Variants in ATP5PF observed in about 807,000 individuals in gnomAD.
ATP5PF encodes ATP synthase peripheral stalk subunit F6, mitochondrial.
A neutral mutation model predicts 12.0 loss-of-function variants in ATP5PF; 7 were observed. The observed-to-expected ratio is 0.58, with a 90% confidence interval of 0.33 to 1.10. The LOEUF is 1.10. Among genes scored for constraint, ATP5PF ranks in the 50% least tolerant of loss-of-function variants. The probability of loss-of-function intolerance (pLI) is 0.03; values close to 1 mark genes in which losing one functional copy is unlikely to be tolerated. For synonymous variants in ATP5PF, 41 were observed against 45.4 expected (o/e 0.90, Z 0.39); for missense variants, 120 against 127.7 (o/e 0.94, Z 0.29).
chr21:25,725,453 T>C, intron 2 of ATP5PF, 103 bp from the exon 3 acceptor site: 2 of 1,291,952 alleles, frequency 1.5e-6, no homozygotes, highest in Non-Finnish European at 2.0e-6. Context: ...TTTTTTTTTC[T>C]TTTTTGAGAC....
At chr21:25,735,096 C>T, upstream of ATP5PF, 1 of 807,370 alleles carries the variant, frequency 1.2e-6, no homozygotes, top group Non-Finnish European at 2.1e-6. Flanking sequence ...TCCCCTGGCA[C>T]AGCCTCCGCC....
chr21:25,731,152 GA>G (rs1384740243), intron 1 of ATP5PF, among the ~76,000 whole-genome samples: 6 of 152,132 alleles, frequency 3.9e-5, no homozygotes, highest in Admixed American at 2.0e-4. Flanking sequence ...TGAGGCAGGA[GA>G]ATCACTTGAA....
At chr21:25,725,590 C>T (rs1439563994) in intron 2 of ATP5PF, among the ~76,000 whole-genome samples, 2 of 152,158 alleles carry the variant, frequency 1.3e-5, no homozygotes, top group African/African-American at 2.4e-5. Context: ...CAGGCACACG[C>T]CACCATGCCC....
In ATP5PF at chr21:25,734,838, T is replaced by C. The variant is rs1398386334; in HGVS notation, c.-8+15A>G. ...TCCCAAAAGGCCACGCTGATCTAGC[T>C]ACCCTCCCAGTCACCTTGCACTCAG... is the stretch of plus-strand genomic sequence containing the variant. On this transcript the variant is annotated intron_variant, in intron 1 of 3. Transcript: ENST00000284971. The C allele has an allele frequency of 2.6e-6, 4 of 1,534,300 alleles. No homozygotes were observed. In the African/African-American group the frequency reaches 4.1e-5, roughly 16 times the overall value.
intron 1 of ATP5PF, among the ~76,000 whole-genome samples, chr21:25,730,772 A>AAAAAAAAAAAAAAAAAAAAC: frequency 7.3e-6 from 1 of 137,766 alleles, no homozygotes; most frequent in Non-Finnish European, 1.5e-5. Flanking sequence ...AAAAAAAAAA[A>AAAAAAAAAAAAAAAAAAAAC]AAAGACTTAA....
rs377177728 is a variant in ATP5PF, at chr21:25,724,658, G to A, written c.309C>T (p.Ile103=). 36 of 1,594,578 alleles carry A rather than the reference G, an allele frequency of 2.3e-5. No homozygotes were observed. Among genetic ancestry groups the A allele is most frequent in the African/African-American group, 4.1e-5 (3 of 73,264 alleles). The change falls in exon 4 of 4, where the codon ATC becomes ATT. Residue 103 remains isoleucine (I), a synonymous_variant. Coordinates refer to ENST00000284971, the MANE Select transcript of ATP5PF (RefSeq NM_001003703.2). ...FKFEDPKFEV[I]EKPQA The stretch of plus-strand genomic sequence containing the variant: ...TATTTCTTCAGGCCTGGGGTTTTTC[G>A]ATGACTTCAAATTTGGGATCTAAGA...
intron 2 of ATP5PF, among the ~76,000 whole-genome samples, chr21:25,725,578 T>C (rs2034597531): frequency 6.6e-6 from 1 of 152,132 alleles, no homozygotes; most frequent in African/African-American, 2.4e-5. Flanking sequence ...TAACTGGGAT[T>C]ACAGGCACAC....
chr21:25,725,202 G>A, intron 3 of ATP5PF, 24 bp downstream of exon 3: 1 of 1,591,954 alleles, frequency 6.3e-7, no homozygotes, highest in Non-Finnish European at 8.5e-7. Flanking sequence ...CCACAAGAAT[G>A]AATCTGTGAT....
At chr21:25,729,574 T>G in intron 2 of ATP5PF, 57 bp downstream of exon 2, 1 of 1,456,460 alleles carries the variant, frequency 6.9e-7, no homozygotes, top group South Asian at 1.4e-5. Context: ...TATTACCACC[T>G]TGAAACTTAC....
At chr21:25,729,832 A>G in intron 1 of ATP5PF, 31 bp from the exon 2 acceptor site, 1 of 1,599,194 alleles carries the variant, frequency 6.3e-7, no homozygotes, top group Non-Finnish European at 8.5e-7. Context: ...CAGAAACGTT[A>G]ATATACTTAT....
At chr21:25,729,866 A>G in intron 1 of ATP5PF, 65 bp from the exon 2 acceptor site, 1 of 1,497,782 alleles carries the variant, frequency 6.7e-7, no homozygotes, top group African/African-American at 1.4e-5. Flanking sequence ...TAAATATATC[A>G]TGAGAATCAA....
chr21:25,735,220 C>T (rs2034992774), upstream of ATP5PF: 3 of 586,052 alleles, frequency 5.1e-6, no homozygotes, highest in East Asian at 8.5e-5. Flanking sequence ...TCCGAGTCAG[C>T]GTCCTGTTCG....
intron 1 of ATP5PF, among the ~76,000 whole-genome samples, chr21:25,732,880 G>A (rs535315200): frequency 6.6e-6 from 1 of 150,868 alleles, no homozygotes; most frequent in Admixed American, 6.6e-5. Context: ...CTACTCAGGA[G>A]GCTGAGGCAG....
rs2034955529 is a variant in ATP5PF, at chr21:25,734,793, G to GA, written c.-8+59dup. On this transcript the variant is annotated intron_variant, in intron 1 of 3. Transcript: ENST00000284971. ...AGGTGAGAGGCAGCCCAGGCCTCGTGAAAAAACCCAGAACTGGAGTCCCAA... is the reference window on the plus strand; with the variant it reads ...AGGTGAGAGGCAGCCCAGGCCTCGTGAAAAAAACCCAGAACTGGAGTCCCAA... 5 of 1,488,754 alleles carry GA rather than the reference G, an allele frequency of 3.4e-6. No homozygotes were observed. In the South Asian group the frequency reaches 3.8e-5, roughly 11 times the overall value. 92.2% of individuals were successfully genotyped at this position (1,488,754 alleles called of 1,614,324 possible).
Position 25,729,768 on chromosome 21 carries a change from G to T in ATP5PF, c.27C>A (p.Phe9Leu), listed in dbSNP as rs760716483. The T allele has an allele frequency of 1.2e-6, 2 of 1,613,922 alleles. No homozygotes were observed. Among genetic ancestry groups the T allele is most frequent in the Non-Finnish European group, 8.5e-7 (1 of 1,179,996 alleles). The change falls in exon 2 of 4, where the codon TTC becomes TTA. Residue 9 changes from phenylalanine (F) to leucine (L), a missense_variant. Phe to Leu is a conservative substitution (Grantham distance 22, BLOSUM62 0). Transcript: ENST00000284971. MILQRLFR[F>L]SSVIRSAVSV... Reference sequence around the variant, plus strand: ...AGACGGCTGACCGAATGACAGAGGAGAACCTGAAGAGCCTCTGAAGAATCA... The same window carrying T: ...AGACGGCTGACCGAATGACAGAGGATAACCTGAAGAGCCTCTGAAGAATCA...
At chr21:25,727,567 G>A (rs1047371046) in intron 2 of ATP5PF, among the ~76,000 whole-genome samples, 1 of 152,150 alleles carries the variant, frequency 6.6e-6, no homozygotes, top group Non-Finnish European at 1.5e-5. Context: ...TGGCAGTGCT[G>A]GATGCCAGCC....
upstream of ATP5PF, chr21:25,735,179 T>C: frequency 3.3e-6 from 2 of 605,560 alleles, no homozygotes; most frequent in South Asian, 3.9e-5. Flanking sequence ...ATGCGCTCTT[T>C]GAGTGGCCTT....
intron 2 of ATP5PF, among the ~76,000 whole-genome samples, chr21:25,727,352 G>A (rs2034644480): frequency 6.6e-6 from 1 of 152,068 alleles, no homozygotes; most frequent in Non-Finnish European, 1.5e-5. Flanking sequence ...ATATTCCTAG[G>A]CTCTCACATG....
chr21:25,734,478 T>C, intron 1 of ATP5PF: 1 of 773,000 alleles, frequency 1.3e-6, no homozygotes, highest in Non-Finnish European at 1.6e-6. Flanking sequence ...CTCTTAATGG[T>C]ACACGTTCTG....
Sources: gnomAD v4.1 joint callset for allele counts (sites outside exome capture counted in the v4.1 genomes callset) on GRCh38, gnomAD v4.1.1 for gene constraint, MANE v1.5 for transcripts, NCBI Gene and HGNC (gene_info 2026-07-23, HGNC 2026-07-21) for gene names.